Variants in PCDHGA1 observed in about 807,000 individuals in gnomAD.
PCDHGA1 encodes protocadherin gamma-A1.
Under a neutral mutation model 58.0 loss-of-function variants are expected in PCDHGA1, and 32 were observed. That is an observed-to-expected ratio of 0.55 (90% CI 0.42 to 0.74). The LOEUF (loss-of-function observed/expected upper bound fraction) is 0.74, where lower values mean the gene tolerates loss of function less well. PCDHGA1 is among the 30% of genes least tolerant of loss of function. The pLI, the probability that PCDHGA1 is intolerant of heterozygous loss-of-function variation, is 0.00. For missense variants in PCDHGA1, 1,205 were observed against 1,182.3 expected (o/e 1.02, Z -0.28); for synonymous variants, 498 against 501.1 (o/e 0.99, Z 0.08).
chr5:141,345,091 C>T (rs1757518976), intron 1 of PCDHGA1: 3 of 1,613,858 alleles, frequency 1.9e-6, no homozygotes, highest in East Asian at 4.5e-5. Context: ...ACGTCTCTCA[C>T]AAGCTCAGTC....
At chr5:141,409,484 G>A in intron 1 of PCDHGA1, 1 of 1,613,974 alleles carries the variant, frequency 6.2e-7, no homozygotes, top group Non-Finnish European at 8.5e-7. Flanking sequence ...CACTGACAGG[G>A]GCAAGCCGCC....
chr5:141,357,310 T>C (rs1286451893), intron 1 of PCDHGA1: 2 of 1,613,980 alleles, frequency 1.2e-6, no homozygotes, highest in Non-Finnish European at 1.7e-6. Flanking sequence ...CTCCTGCGTC[T>C]TCCTGGCTTT....
chr5:141,473,260 G>T (rs2099318007), intron 1 of PCDHGA1, among the ~76,000 whole-genome samples: 1 of 152,148 alleles, frequency 6.6e-6, no homozygotes, highest in South Asian at 2.1e-4. Flanking sequence ...ATAGTCCTTA[G>T]TGTATGCTAT....
At chr5:141,357,483 G>T (rs368424779) in intron 1 of PCDHGA1, 6 of 1,614,194 alleles carry the variant, frequency 3.7e-6, no homozygotes, top group Admixed American at 1.7e-5. Flanking sequence ...CCCTCACCGC[G>T]GACTCGCGGA....
intron 1 of PCDHGA1, chr5:141,384,799 G>T (rs1342288929): frequency 6.2e-7 from 1 of 1,613,476 alleles, no homozygotes; most frequent in South Asian, 1.1e-5. Flanking sequence ...GGCCCTGCTG[G>T]ACAGAGATGC....
Position 141,476,013 on chromosome 5 carries a change from G to A in PCDHGA1, c.2422-18794G>A. ...AAATCAACGGCATCCAGAAAGCCAT[G>A]TCGGACTCGGCGCCCAGCGCCCAAG... On this transcript the variant is annotated intron_variant, in intron 1 of 3. Coordinates refer to ENST00000517417, the MANE Select transcript of PCDHGA1 (RefSeq NM_018912.3). The surrounding 1 kb of genome is among the most constrained non-coding windows in gnomAD (Gnocchi z 7.6). The A allele has an allele frequency of 7.5e-7, 1 of 1,334,720 alleles. No individual in the cohort carries two copies. The highest frequency in any genetic ancestry group is 1.0e-6 in the Non-Finnish European group (1 of 983,502). 82.7% of individuals were successfully genotyped at this position (1,334,720 alleles called of 1,614,324 possible). A position where few individuals can be genotyped will look rare whatever the true frequency, so the allele number is the denominator to read the frequency against.
At chr5:141,425,521 C>A (rs2096880944) in intron 1 of PCDHGA1, among the ~76,000 whole-genome samples, 1 of 152,210 alleles carries the variant, frequency 6.6e-6, no homozygotes, top group Non-Finnish European at 1.5e-5. Flanking sequence ...TATGATGAAA[C>A]ATGAAACAAT....
intron 1 of PCDHGA1, among the ~76,000 whole-genome samples, chr5:141,494,392 A>C (rs1296077484): frequency 1.3e-5 from 2 of 152,258 alleles, no homozygotes; most frequent in East Asian, 3.9e-4. Flanking sequence ...GAGTTGAATA[A>C]ATTCATTCTA....
intron 1 of PCDHGA1, chr5:141,375,779 G>A (rs749559180): frequency 1.9e-6 from 3 of 1,614,176 alleles, no homozygotes; most frequent in South Asian, 1.1e-5. Flanking sequence ...CCTGTACCCC[G>A]CCCTCCCCAC....
chr5:141,483,121 T>C (rs922863446), intron 1 of PCDHGA1, among the ~76,000 whole-genome samples: 1 of 152,052 alleles, frequency 6.6e-6, no homozygotes, highest in Admixed American at 6.6e-5. Flanking sequence ...ACAGTCTTTG[T>C]AGGAGATGAG....
At chr5:141,419,301 T>G in intron 1 of PCDHGA1, 6 of 1,613,998 alleles carry the variant, frequency 3.7e-6, no homozygotes, top group Non-Finnish European at 5.1e-6. Context: ...GACCCAGACT[T>G]CGGGCTCAAC....
chr5:141,356,800 G>C, intron 1 of PCDHGA1: 2 of 1,614,046 alleles, frequency 1.2e-6, no homozygotes, highest in Non-Finnish European at 1.7e-6. Flanking sequence ...GCTGATGACA[G>C]CCAGTGACAG....
chr5:141,439,117 C>T (rs1219829519), intron 1 of PCDHGA1, among the ~76,000 whole-genome samples: 6 of 150,696 alleles, frequency 4.0e-5, no homozygotes, highest in African/African-American at 7.3e-5. Context: ...CACTTGAACC[C>T]GGGAGACAGA....
chr5:141,352,591 G>C, intron 1 of PCDHGA1: 1 of 1,613,590 alleles, frequency 6.2e-7, no homozygotes, highest in Non-Finnish European at 8.5e-7. Flanking sequence ...AGGATCTGCT[G>C]TGTGATGATC....
At chr5:141,404,784 C>T (rs780341962) in intron 1 of PCDHGA1, 2 of 1,613,832 alleles carry the variant, frequency 1.2e-6, no homozygotes, top group Non-Finnish European at 1.7e-6. Flanking sequence ...CTATTCAAGG[C>T]CAGTGAGCCA....
At chr5:141,419,261 G>C (rs758952830) in intron 1 of PCDHGA1, 16 of 1,613,982 alleles carry the variant, frequency 9.9e-6, no homozygotes, top group Non-Finnish European at 1.3e-5. Context: ...CAACCAGCCG[G>C]GTGCCTCCAT....
intron 1 of PCDHGA1, chr5:141,399,076 G>A (rs767415619): frequency 1.2e-6 from 2 of 1,613,850 alleles, no homozygotes; most frequent in Non-Finnish European, 1.7e-6. Flanking sequence ...GGTTGTAGAA[G>A]GGAGGGATGG....
At position 141,432,579 on chromosome 5, in the gene PCDHGA1, G is replaced by A. The variant is rs769224543; in HGVS notation, c.2422-62228G>A. 6.2e-7 allele frequency: 1 copy of A among 1,613,860 alleles called. No homozygotes were observed. Among genetic ancestry groups the A allele is most frequent in the Non-Finnish European group, 8.5e-7 (1 of 1,179,984 alleles). On this transcript the variant is annotated intron_variant, in intron 1 of 3. Transcript: ENST00000517417. The surrounding 1 kb of genome is among the most constrained non-coding windows in gnomAD (Gnocchi z 6.0). ...GGCCAGAACGCCTGGCTGTCCTACC[G>A]TCTGCTCAAGGCCAGCGAGCCGGGA...
chr5:141,412,215 C>T (rs1265657058), intron 1 of PCDHGA1: 1 of 152,240 alleles, frequency 6.6e-6, no homozygotes, highest in Non-Finnish European at 1.5e-5. Flanking sequence ...GACATAAACA[C>T]TTACTTGTTA....
Sources: allele counts gnomAD v4.1 joint callset (sites outside exome capture counted in the v4.1 genomes callset), GRCh38; gene constraint gnomAD v4.1.1; non-coding constraint Gnocchi (gnomAD v3.1); transcripts MANE v1.5; gene names NCBI Gene and HGNC (gene_info 2026-07-23, HGNC 2026-07-21).